Variants in ITPR1 observed in about 807,000 individuals in gnomAD.
ITPR1 encodes inositol 1,4,5-trisphosphate receptor type 1.
ITPR1 carries 96 observed loss-of-function variants against 318.4 expected under a neutral mutation model. The observed-to-expected ratio is 0.30, with a 90% CI of 0.26 to 0.36. The LOEUF (loss-of-function observed/expected upper bound fraction) is 0.36, where lower values mean the gene tolerates loss of function less well. ITPR1 is among the 10% of genes least tolerant of loss of function. ITPR1 has a pLI of 1.00. For missense variants in ITPR1, 2,440 were observed against 3,460.2 expected (o/e 0.71, Z 7.40); for synonymous variants, 1,312 against 1,289.9 (o/e 1.02, Z -0.37).
chr3:4,625,311 A>G (rs1245150085), intron 4 of ITPR1, among the ~76,000 whole-genome samples: 1 of 151,758 alleles, frequency 6.6e-6, no homozygotes, highest in East Asian at 1.9e-4. Context: ...AGAAAGAGTG[A>G]TCTGAATTAG....
chr3:4,520,945 T>C, intron 3 of ITPR1, 79 bp from the exon 4 acceptor site: 1 of 1,062,044 alleles, frequency 9.4e-7, no homozygotes, highest in Non-Finnish European at 1.5e-6. Flanking sequence ...GGAAAAGCCC[T>C]GGGATATCTG....
At chr3:4,690,270 A>G (rs986022397) in intron 31 of ITPR1, among the ~76,000 whole-genome samples, 27 of 152,316 alleles carry the variant, frequency 1.8e-4, no homozygotes, top group African/African-American at 6.0e-4. Flanking sequence ...GCAAGACTGT[A>G]TCTCAAATAA....
chr3:4,783,995 C>T (rs935573169), intron 51 of ITPR1, 75 bp downstream of exon 51: 47 of 994,560 alleles, frequency 4.7e-5, no homozygotes, highest in Non-Finnish European at 5.9e-5. Flanking sequence ...CTGGGGCTGG[C>T]GTGCATTCAT....
intron 44 of ITPR1, among the ~76,000 whole-genome samples, chr3:4,759,773 T>C (rs927861633): frequency 6.6e-6 from 1 of 152,240 alleles, no homozygotes; most frequent in African/African-American, 2.4e-5. Context: ...AACTGCTGGA[T>C]TCCAGTGCTT....
intron 31 of ITPR1, among the ~76,000 whole-genome samples, chr3:4,689,211 G>A (rs919407430): frequency 1.3e-5 from 2 of 152,026 alleles, no homozygotes; most frequent in Non-Finnish European, 2.9e-5. Context: ...TCCATAGAAT[G>A]GCTGTAACTT....
At chr3:4,739,131 C>G (rs936909676) in intron 44 of ITPR1, among the ~76,000 whole-genome samples, 6 of 152,170 alleles carry the variant, frequency 3.9e-5, no homozygotes, top group African/African-American at 1.4e-4. Context: ...CCTTGAAGCC[C>G]CAGGGGGAGT....
chr3:4,645,274 T>A, intron 8 of ITPR1, 113 bp from the exon 9 acceptor site: 1 of 729,720 alleles, frequency 1.4e-6, no homozygotes, highest in Non-Finnish European at 2.4e-6. Flanking sequence ...ATCTTTAGAG[T>A]TTTTAGTCTC....
Position 4,763,694 on chromosome 3 carries a change from C to T in ITPR1, c.5545-2836C>T, listed in dbSNP as rs191247721. ...GAGGACTGGAATCAGTAATGCGAAACAAACCTAGTGACCGTGGCGGAAACA... is the reference window on the plus strand; with the variant it reads ...GAGGACTGGAATCAGTAATGCGAAATAAACCTAGTGACCGTGGCGGAAACA... On this transcript the variant is annotated intron_variant, in intron 44 of 61. Coordinates refer to ENST00000649015, the MANE Select transcript of ITPR1 (RefSeq NM_001378452.1). Among the ~76,000 whole-genome samples, 823 of 152,348 alleles carry T rather than the reference C, an allele frequency of 5.4e-3. 6 individuals are homozygous for T. Among genetic ancestry groups the T allele is most frequent in the Non-Finnish European group, 7.1e-3 (481 of 68,036 alleles).
At chr3:4,787,020 G>T (rs189966222) in intron 51 of ITPR1, among the ~76,000 whole-genome samples, 4 of 152,080 alleles carry the variant, frequency 2.6e-5, no homozygotes, top group Non-Finnish European at 4.4e-5. Context: ...AGCTATGTAT[G>T]GCTATTTAAA....
intron 6 of ITPR1, 91 bp downstream of exon 6, chr3:4,639,561 T>C: frequency 1.1e-6 from 1 of 925,904 alleles, no homozygotes; most frequent in Non-Finnish European, 1.7e-6. Context: ...TTTGGACACC[T>C]TTACAGCAGG....
rs1354090561 is a variant in ITPR1, at chr3:4,846,295, T to C, written c.*70T>C. On this transcript the variant is annotated 3_prime_UTR_variant, in exon 62 of 62. Coordinates refer to ENST00000649015, the MANE Select transcript of ITPR1 (RefSeq NM_001378452.1). Reference sequence around the variant, plus strand: ...TAGTGTGGGTATGGCTAATGAGTTCTGATTCACCCACGAAGGTTACATTTA... The same window carrying C: ...TAGTGTGGGTATGGCTAATGAGTTCCGATTCACCCACGAAGGTTACATTTA... 4.9e-6 allele frequency: 5 copies of C among 1,019,128 alleles called. No individual in the cohort carries two copies. Among genetic ancestry groups the C allele is most frequent in the Non-Finnish European group, 7.4e-6 (5 of 671,378 alleles). 63.1% of individuals were successfully genotyped at this position (1,019,128 alleles called of 1,614,324 possible). A position where few individuals can be genotyped will look rare whatever the true frequency, so the allele number is the denominator to read the frequency against.
At chr3:4,610,898 C>T (rs1444678675) in intron 4 of ITPR1, among the ~76,000 whole-genome samples, 6 of 107,904 alleles carry the variant, frequency 5.6e-5, no homozygotes, top group African/African-American at 1.8e-4. Flanking sequence ...CTTCCCCCTT[C>T]CCCCCCTTCT....
chr3:4,494,326 A>C (rs2124851683), intron 1 of ITPR1, 105 bp from the exon 2 acceptor site: 1 of 152,484 alleles, frequency 6.6e-6, no homozygotes, highest in East Asian at 1.9e-4. Context: ...GGCTGTCCCC[A>C]GTGAAGGAGG....
chr3:4,495,858 G>T (rs1306119465), intron 2 of ITPR1, among the ~76,000 whole-genome samples: 1 of 152,116 alleles, frequency 6.6e-6, no homozygotes, highest in African/African-American at 2.4e-5. Context: ...GGTGGTGAGA[G>T]GGAAGCTAGG....
intron 31 of ITPR1, among the ~76,000 whole-genome samples, chr3:4,688,855 T>G (rs1286757537): frequency 6.6e-6 from 1 of 152,336 alleles, no homozygotes; most frequent in Non-Finnish European, 1.5e-5. Context: ...TAAAGTAAGA[T>G]ACGTGTCTAT....
intron 4 of ITPR1, among the ~76,000 whole-genome samples, chr3:4,562,963 G>T (rs2086833512): frequency 6.6e-6 from 1 of 151,600 alleles, no homozygotes; most frequent in African/African-American, 2.4e-5. Context: ...GGGTGGGATG[G>T]GTGGGCCAGC....
At chr3:4,699,427 A>G (rs1374055198) in intron 34 of ITPR1, among the ~76,000 whole-genome samples, 2 of 152,164 alleles carry the variant, frequency 1.3e-5, no homozygotes, top group South Asian at 2.1e-4. Context: ...TGGATGAGGA[A>G]ACCATGGTCT....
At chr3:4,803,657 G>C (rs1206526961) in intron 54 of ITPR1, among the ~76,000 whole-genome samples, 2 of 152,096 alleles carry the variant, frequency 1.3e-5, no homozygotes, top group African/African-American at 4.8e-5. Flanking sequence ...TAAACAACTA[G>C]GTAGAAAAAA....
chr3:4,830,986 T>C (rs1475158384), intron 60 of ITPR1: 1 of 456,654 alleles, frequency 2.2e-6, no homozygotes, highest in Admixed American at 2.3e-5. Flanking sequence ...GATTACTCGG[T>C]AGTCTTTCTT....
Sources: gnomAD v4.1 joint callset for allele counts (sites outside exome capture counted in the v4.1 genomes callset) on GRCh38, gnomAD v4.1.1 for gene constraint, MANE v1.5 for transcripts, NCBI Gene and HGNC (gene_info 2026-07-23, HGNC 2026-07-21) for gene names.